PPP1R17: variants seen among roughly 807,000 people sequenced by gnomAD.
The protein encoded by PPP1R17 is protein phosphatase 1 regulatory subunit 17.
Under a neutral mutation model 15.9 loss-of-function variants are expected in PPP1R17, and 12 were observed. That is an observed-to-expected ratio of 0.75 (90% confidence interval 0.48 to 1.22). PPP1R17 has a LOEUF of 1.22. Ranked by LOEUF, PPP1R17 falls within the 50% of genes most tolerant of loss-of-function variation. The pLI is 0.00. For synonymous variants in PPP1R17, 63 were observed against 64.5 expected (o/e 0.98, Z 0.11); for missense variants, 211 against 187.3 (o/e 1.13, Z -0.74).
chr7:31,699,992 G>C (rs1024670400), intron 4 of PPP1R17, among the ~76,000 whole-genome samples: 1 of 151,800 alleles, frequency 6.6e-6, no homozygotes, highest in African/African-American at 2.4e-5. Flanking sequence ...CCTATTCCAC[G>C]AGACACAAAG....
intron 1 of PPP1R17, among the ~76,000 whole-genome samples, chr7:31,691,549 T>C (rs1792342311): frequency 6.6e-6 from 1 of 151,912 alleles, no homozygotes; most frequent in Non-Finnish European, 1.5e-5. Flanking sequence ...CTGACACATA[T>C]CCATTCTGGA....
At chr7:31,696,911 A>G (rs919404255) in intron 3 of PPP1R17, 54 bp from the exon 4 acceptor site, 4 of 1,579,264 alleles carry the variant, frequency 2.5e-6, no homozygotes, top group African/African-American at 2.7e-5. Flanking sequence ...GTCCTCATAT[A>G]TTAGGATATA....
chr7:31,702,662 G>C (rs940236945), intron 4 of PPP1R17, among the ~76,000 whole-genome samples: 2 of 152,176 alleles, frequency 1.3e-5, no homozygotes, highest in African/African-American at 4.8e-5. Flanking sequence ...TATTGTCGCT[G>C]CTGCTTAAAT....
chr7:31,693,704 C>T (rs1792453090), intron 2 of PPP1R17, among the ~76,000 whole-genome samples: 1 of 152,166 alleles, frequency 6.6e-6, no homozygotes, highest in Non-Finnish European at 1.5e-5. Context: ...ACAGAGTTTG[C>T]ATCTAGACCC....
At chr7:31,692,617 C>A in intron 2 of PPP1R17, 94 bp downstream of exon 2, 2 of 1,158,830 alleles carry the variant, frequency 1.7e-6, no homozygotes, top group East Asian at 2.4e-5. Flanking sequence ...GAGAGGGCAC[C>A]CCCCGAAACC....
intron 3 of PPP1R17, 90 bp downstream of exon 3, chr7:31,695,711 G>T: frequency 2.9e-6 from 4 of 1,378,556 alleles, no homozygotes; most frequent in Middle Eastern, 1.9e-4. Flanking sequence ...TAAATATTCA[G>T]GTATTTTAAA....
intron 4 of PPP1R17, among the ~76,000 whole-genome samples, chr7:31,704,455 A>T (rs1792983856): frequency 6.6e-6 from 1 of 152,210 alleles, no homozygotes; most frequent in South Asian, 2.1e-4. Context: ...CAAGTTCCCT[A>T]AACTCTTCTG....
chr7:31,704,056 T>G (rs911083817), intron 4 of PPP1R17, among the ~76,000 whole-genome samples: 1 of 152,128 alleles, frequency 6.6e-6, no homozygotes, highest in Non-Finnish European at 1.5e-5. Flanking sequence ...TTGTCACAAA[T>G]GGAACCATGA....
rs771019752 is a variant in PPP1R17 at position 31,701,838 on chromosome 7, C to A, written c.388+4721C>A. ...AAGTATTTTTAAATTAAGCTATGCT[C>A]ATTATTTTTAAAGACATAATGCTAT... On this transcript the variant is annotated intron_variant, in intron 4 of 4. Transcript: ENST00000342032. Among the ~76,000 whole-genome samples the A allele has an allele frequency of 6.2e-4, 95 of 152,198 alleles. 2 individuals carry two copies. The highest frequency in any genetic ancestry group is 1.5e-4 in the Non-Finnish European group (10 of 68,048).
At position 31,701,638 on chromosome 7, in the gene PPP1R17, T is replaced by C. The variant is rs1792851863; in HGVS notation, c.388+4521T>C. Reference sequence around the variant, plus strand: ...GCATCACATACTAGAGCAAACTCTATTGTTAAAGGAAGAGTCCATCAATGC... The same window carrying C: ...GCATCACATACTAGAGCAAACTCTACTGTTAAAGGAAGAGTCCATCAATGC... On this transcript the variant is annotated intron_variant, in intron 4 of 4. Transcript: ENST00000342032. Among the ~76,000 whole-genome samples the C allele has an allele frequency of 2.0e-5, 3 of 152,200 alleles. No individual in the cohort carries two copies. The South Asian group carries it at 6.2e-4, about 31-fold the overall frequency.
At position 31,708,173 on chromosome 7, in the gene PPP1R17, G is replaced by C. The variant is rs985792823; in HGVS notation, c.*890G>C. On this transcript the variant is annotated 3_prime_UTR_variant, in exon 5 of 5. Transcript: ENST00000342032. ...GATGAGAGGGGAGAGTGTGGTGTTAGCTAGTGAGCAGAGGTCTGTATATTG... is the reference window on the plus strand; with the variant it reads ...GATGAGAGGGGAGAGTGTGGTGTTACCTAGTGAGCAGAGGTCTGTATATTG... The C allele has an allele frequency of 3.9e-5, 6 of 152,204 alleles. No homozygotes were observed. Among genetic ancestry groups the C allele is most frequent in the Non-Finnish European group, 5.9e-5 (4 of 68,050 alleles). 9.4% of individuals were successfully genotyped at this position (152,204 alleles called of 1,614,324 possible). A position where few individuals can be genotyped will look rare whatever the true frequency, so the allele number is the denominator to read the frequency against.
intron 4 of PPP1R17, among the ~76,000 whole-genome samples, chr7:31,701,522 T>C (rs922729070): frequency 6.6e-6 from 1 of 152,256 alleles, no homozygotes; most frequent in African/African-American, 2.4e-5. Context: ...TAGAATATTA[T>C]GTAAACTTAG....
intron 4 of PPP1R17, among the ~76,000 whole-genome samples, chr7:31,705,593 T>G (rs1279267968): frequency 6.6e-6 from 1 of 152,210 alleles, no homozygotes; most frequent in Non-Finnish European, 1.5e-5. Flanking sequence ...AACTAGGAAC[T>G]GAAACAAATG....
intron 2 of PPP1R17, among the ~76,000 whole-genome samples, chr7:31,694,318 T>G (rs577315736): frequency 6.6e-6 from 1 of 151,858 alleles, no homozygotes; most frequent in South Asian, 2.1e-4. Flanking sequence ...TTTTGGGACA[T>G]CTGAAGTATA....
intron 3 of PPP1R17, among the ~76,000 whole-genome samples, chr7:31,696,753 A>G (rs1792600499): frequency 6.6e-6 from 1 of 152,218 alleles, no homozygotes; most frequent in South Asian, 2.1e-4. Context: ...GCTAAAATAA[A>G]ATCAAGCATG....
At chr7:31,700,689 A>T (rs1027180068) in intron 4 of PPP1R17, among the ~76,000 whole-genome samples, 1 of 152,190 alleles carries the variant, frequency 6.6e-6, no homozygotes, top group Non-Finnish European at 1.5e-5. Flanking sequence ...TTCAAAGGAC[A>T]GGCCAACTCT....
intron 1 of PPP1R17, among the ~76,000 whole-genome samples, chr7:31,690,129 T>C (rs1236983233): frequency 6.6e-6 from 1 of 152,248 alleles, no homozygotes; most frequent in Non-Finnish European, 1.5e-5. Context: ...ATAGCTGCTT[T>C]GCTCAGAGGA....
chr7:31,689,900 AAC>A, intron 1 of PPP1R17, among the ~76,000 whole-genome samples: 1 of 152,216 alleles, frequency 6.6e-6, no homozygotes, highest in East Asian at 1.9e-4. Context: ...CCCCTTAGCA[AAC>A]AGTCTTGCTG....
At chr7:31,698,281 A>G (rs1164214175) in intron 4 of PPP1R17, among the ~76,000 whole-genome samples, 1 of 152,252 alleles carries the variant, frequency 6.6e-6, no homozygotes, top group African/African-American at 2.4e-5. Context: ...CCCCAGCCAC[A>G]TTAGAGGCTC....
Sources: allele counts gnomAD v4.1 joint callset (sites outside exome capture counted in the v4.1 genomes callset), GRCh38; gene constraint gnomAD v4.1.1; transcripts MANE v1.5; gene names NCBI Gene and HGNC (gene_info 2026-07-23, HGNC 2026-07-21).